Variants in DLGAP5 observed in about 807,000 individuals in gnomAD.
DLGAP5 encodes DLG associated protein 5.
DLGAP5 carries 90 observed loss-of-function variants against 99.6 expected under a neutral mutation model. That is an observed-to-expected ratio of 0.90 (90% CI 0.76 to 1.08). The LOEUF (loss-of-function observed/expected upper bound fraction) is 1.08, where lower values mean the gene tolerates loss of function less well. Among genes scored for constraint, DLGAP5 ranks in the 50% least tolerant of loss-of-function variants. The pLI is 0.00. For missense variants in DLGAP5, 1,036 were observed against 983.5 expected (o/e 1.05, Z -0.71); for synonymous variants, 311 against 321.3 (o/e 0.97, Z 0.34).
intron 9 of DLGAP5, among the ~76,000 whole-genome samples, 156 bp downstream of exon 9, chr14:55,175,738 G>A (rs1409567629): frequency 2.0e-5 from 3 of 151,840 alleles, no homozygotes; most frequent in African/African-American, 7.3e-5. Context: ...CTGACCCTGA[G>A]TTCACATCCC....
At position 55,168,798 on chromosome 14, in the gene DLGAP5, C is replaced by G. The variant is rs541448979; in HGVS notation, c.1548+601G>C. Among the ~76,000 whole-genome samples, 47 of 152,198 alleles carry G rather than the reference C, an allele frequency of 3.1e-4. 1 individual carries two copies. The South Asian group carries it at 9.7e-3, about 32-fold the overall frequency. Reference sequence around the variant, plus strand: ...GTAACTGTTAGCTGAACTCAACTACCAAAGGCCAGTTGACTCATTTCTCAC... The same window carrying G: ...GTAACTGTTAGCTGAACTCAACTACGAAAGGCCAGTTGACTCATTTCTCAC... On this transcript the variant is annotated intron_variant, in intron 12 of 18. Coordinates refer to ENST00000247191, the MANE Select transcript of DLGAP5 (RefSeq NM_014750.5).
In DLGAP5 at chr14:55,181,276, G is replaced by A. The variant is rs374280260; in HGVS notation, c.517C>T (p.Arg173Ter). 13 of 1,613,858 alleles carry A rather than the reference G, an allele frequency of 8.1e-6. No individual in the cohort carries two copies. Among genetic ancestry groups the A allele is most frequent in the African/African-American group, 1.3e-5 (1 of 74,988 alleles). ...QTKIDNESDV[R>*]AIRPGPRQTS... ...TGTCTTGGACCAGGTCGGATTGCTC[G>A]AACATCACTCTCGTTATCAATCTAT... The change falls in exon 5 of 19, where the codon CGA becomes TGA. Residue 173 changes from arginine to a stop codon, truncating the protein, a stop_gained. Coordinates refer to ENST00000247191, the MANE Select transcript of DLGAP5 (RefSeq NM_014750.5). LOFTEE classifies it high-confidence loss of function.
chr14:55,179,171 GTTTA>G (rs1379395124), intron 7 of DLGAP5, among the ~76,000 whole-genome samples: 4 of 152,138 alleles, frequency 2.6e-5, no homozygotes, highest in Non-Finnish European at 1.5e-5. Context: ...AGAAATTTTA[GTTTA>G]TTTAATTCTT....
At chr14:55,187,274 A>C (rs1158667214) in intron 2 of DLGAP5, among the ~76,000 whole-genome samples, 1 of 150,628 alleles carries the variant, frequency 6.6e-6, no homozygotes, top group East Asian at 2.0e-4. Flanking sequence ...GATGTCATAC[A>C]TACCACCCTA....
intron 14 of DLGAP5, among the ~76,000 whole-genome samples, chr14:55,156,809 C>A (rs896702241): frequency 4.6e-5 from 7 of 152,192 alleles, no homozygotes; most frequent in African/African-American, 1.7e-4. Flanking sequence ...AAAGATAAAA[C>A]AATACACTGA....
At chr14:55,181,763 T>C (rs1480250368) in intron 4 of DLGAP5, among the ~76,000 whole-genome samples, 1 of 152,228 alleles carries the variant, frequency 6.6e-6, no homozygotes, top group Non-Finnish European at 1.5e-5. Context: ...CTATTTCTAG[T>C]ACACCCCATC....
intron 10 of DLGAP5, among the ~76,000 whole-genome samples, chr14:55,173,767 A>G (rs1368625601): frequency 1.3e-5 from 2 of 152,168 alleles, no homozygotes; most frequent in Non-Finnish European, 2.9e-5. Context: ...GCAATCTCTA[A>G]ATATAAATTG....
intron 17 of DLGAP5, among the ~76,000 whole-genome samples, chr14:55,151,242 A>G (rs1882006543): frequency 6.6e-6 from 1 of 152,220 alleles, no homozygotes; most frequent in African/African-American, 2.4e-5. Context: ...GCCATTTCCT[A>G]TTGCAGAACC....
At chr14:55,148,650 T>A in intron 18 of DLGAP5, 177 bp from the exon 19 acceptor site, 1 of 1,365,922 alleles carries the variant, frequency 7.3e-7, no homozygotes, top group Non-Finnish European at 1.0e-6. Flanking sequence ...ACCCAGGACT[T>A]CAAGACCAGC....
chr14:55,171,507 G>A (rs1469560759), intron 10 of DLGAP5, among the ~76,000 whole-genome samples: 1 of 152,204 alleles, frequency 6.6e-6, no homozygotes, highest in Non-Finnish European at 1.5e-5. Flanking sequence ...TGGAACCCTT[G>A]TATGCTGTTG....
chr14:55,190,502 T>TAA (rs1264036236), intron 1 of DLGAP5, among the ~76,000 whole-genome samples: 1 of 152,068 alleles, frequency 6.6e-6, no homozygotes, highest in Non-Finnish European at 1.5e-5. Context: ...CAAGCCAAAC[T>TAA]GGAGAAAGGA....
At chr14:55,148,570 TA>T in intron 18 of DLGAP5, 97 bp from the exon 19 acceptor site, 1 of 1,589,396 alleles carries the variant, frequency 6.3e-7, no homozygotes. Flanking sequence ...ATAACAAAAA[TA>T]AACCGGGTGC....
chr14:55,189,523 G>T (rs1883538725), intron 1 of DLGAP5, among the ~76,000 whole-genome samples: 1 of 152,060 alleles, frequency 6.6e-6, no homozygotes, highest in African/African-American at 2.4e-5. Context: ...ATGTACACAA[G>T]GGTTTCCTTA....
chr14:55,179,534 C>A lies in DLGAP5; in HGVS notation c.774+95G>T, dbSNP rs149509662. On this transcript the variant is annotated intron_variant, in intron 7 of 18. Transcript: ENST00000247191. ...AGTTTTAACACACATGTAGGTTAAC[C>A]TTTTGAAGCAGTTCTTTATGTTTAA... 2.1e-3 allele frequency: 2,247 copies of A among 1,048,402 alleles called. 28 individuals are homozygous for A. In the African/African-American group the frequency reaches 0.03, roughly 14 times the overall value. 64.9% of individuals were successfully genotyped at this position (1,048,402 alleles called of 1,614,324 possible).
Position 55,148,218 on chromosome 14 carries a change from G to C in DLGAP5, c.*133C>G. On this transcript the variant is annotated 3_prime_UTR_variant, in exon 19 of 19. Coordinates refer to ENST00000247191, the MANE Select transcript of DLGAP5 (RefSeq NM_014750.5). ...AAAGAGTATATCTAAAATACACTTT[G>C]ATGAACACAGAATATTAAAACATTA... 1.1e-6 allele frequency: 1 copy of C among 908,824 alleles called. No individual in the cohort carries two copies. The highest frequency in any genetic ancestry group is 1.6e-6 in the Non-Finnish European group (1 of 616,960). 56.3% of individuals were successfully genotyped at this position (908,824 alleles called of 1,614,324 possible).
In DLGAP5 at chr14:55,152,582, G is replaced by A; in HGVS notation, c.2121+8C>T. On this transcript the variant is annotated splice_region_variant and intron_variant, in intron 16 of 18. Coordinates refer to ENST00000247191, the MANE Select transcript of DLGAP5 (RefSeq NM_014750.5). Reference sequence around the variant, plus strand: ...TGGGCTATCTAACCACACTGGAATTGTACTTACATGATTTTCTTCAATTAA... The same window carrying A: ...TGGGCTATCTAACCACACTGGAATTATACTTACATGATTTTCTTCAATTAA... 1 of 1,597,914 alleles carries A rather than the reference G, an allele frequency of 6.3e-7. No homozygotes were observed.
At chr14:55,169,772 A>AT (rs1445370257) in intron 11 of DLGAP5, among the ~76,000 whole-genome samples, 1 of 152,222 alleles carries the variant, frequency 6.6e-6, no homozygotes, top group Non-Finnish European at 1.5e-5. Context: ...TTTCTCATAC[A>AT]TATTGCTATA....
Position 55,179,679 on chromosome 14 carries a change from C to T in DLGAP5, c.724G>A (p.Val242Met). 1.2e-6 allele frequency: 2 copies of T among 1,611,368 alleles called. No homozygotes were observed. Among genetic ancestry groups the T allele is most frequent in the South Asian group, 2.2e-5 (2 of 90,160 alleles). ...TTGGCAGGTCTTCCTTTACTTGGCACCTTTCCTTCTGGTTCGTTTTCTAAA... is the reference window on the plus strand; with the variant it reads ...TTGGCAGGTCTTCCTTTACTTGGCATCTTTCCTTCTGGTTCGTTTTCTAAA... Reference protein sequence around the residue: ...AANENEPEGKVPSKGRPAKNV... With the variant: ...AANENEPEGKMPSKGRPAKNV... The change falls in exon 7 of 19, where the codon GTG (valine) becomes ATG (methionine). Residue 242 changes from valine to methionine, a missense_variant. Transcript: ENST00000247191.
Position 55,175,196 on chromosome 14 carries a change from C to T in DLGAP5, c.1301+150G>A, listed in dbSNP as rs1296810751. On this transcript the variant is annotated intron_variant, in intron 10 of 18. Coordinates refer to ENST00000247191, the MANE Select transcript of DLGAP5 (RefSeq NM_014750.5). Reference sequence around the variant, plus strand: ...TTGAATTAGGAACCACATGAATGTACTAGTTATCAAAAAAATAATTAAAAT... The same window carrying T: ...TTGAATTAGGAACCACATGAATGTATTAGTTATCAAAAAAATAATTAAAAT... 1.1e-5 allele frequency: 7 copies of T among 632,638 alleles called. No homozygotes were observed. In the Admixed American group the frequency reaches 2.2e-4, roughly 19 times the overall value. The allele number at this position is 632,638 out of a possible 1,614,324, so 39.2% of individuals were successfully genotyped here. A position where few individuals can be genotyped will look rare whatever the true frequency, so the allele number is the denominator to read the frequency against.
Sources: allele counts gnomAD v4.1 joint callset (sites outside exome capture counted in the v4.1 genomes callset), GRCh38; gene constraint gnomAD v4.1.1; transcripts MANE v1.5; gene names NCBI Gene and HGNC (gene_info 2026-07-23, HGNC 2026-07-21).